Variants in SYT1 observed in about 807,000 individuals in gnomAD.
SYT1 encodes the protein synaptotagmin-1.
SYT1 carries 8 observed loss-of-function variants against 44.8 expected under a neutral mutation model. The ratio of observed to expected loss-of-function variants is 0.18; its 90% CI spans 0.10 to 0.32. The LOEUF is 0.32. SYT1 is among the 10% of genes least tolerant of loss of function. The pLI, the probability that SYT1 is intolerant of heterozygous loss-of-function variation, is 1.00. For synonymous variants in SYT1, 154 were observed against 188.8 expected (o/e 0.82, Z 1.51); for missense variants, 286 against 509.3 (o/e 0.56, Z 4.22).
chr12:79,208,607 G>T lies in SYT1; in HGVS notation c.-17-8896G>T, dbSNP rs189216941. ...AAGCCAATAGGGCTTAGGAAGCTGC[G>T]GAGAATTTCTGAAGAAGGAAGAGAG... On this transcript the variant is annotated intron_variant, in intron 3 of 10. Coordinates refer to ENST00000261205, the MANE Select transcript of SYT1 (RefSeq NM_005639.3). Among the ~76,000 whole-genome samples the T allele has an allele frequency of 2.0e-5, 3 of 152,226 alleles. No individual in the cohort carries two copies. In the East Asian group the frequency reaches 5.8e-4, roughly 29 times the overall value.
rs117489457 is a variant in SYT1 at position 78,871,630 on chromosome 12, T to A, written c.-217+6521T>A. ...GCTATAACAACTCATTAAGGGACAG[T>A]TGAGCTCTAGCAATCAGGTTTTGAG... On this transcript the variant is annotated intron_variant, in intron 1 of 10. Transcript: ENST00000261205. Among the ~76,000 whole-genome samples, 1,205 of 152,064 alleles carry A rather than the reference T, an allele frequency of 7.9e-3. 6 individuals carry two copies. The highest frequency in any genetic ancestry group is 0.012 in the Non-Finnish European group (798 of 67,908).
chr12:79,261,181 CAGG>C (rs1268488201), intron 4 of SYT1, among the ~76,000 whole-genome samples: 1 of 152,222 alleles, frequency 6.6e-6, no homozygotes, highest in African/African-American at 2.4e-5. Context: ...TAAAACCCAG[CAGG>C]AGAATATAAA....
intron 1 of SYT1, among the ~76,000 whole-genome samples, chr12:78,945,783 G>A (rs926588511): frequency 2.0e-5 from 3 of 152,116 alleles, no homozygotes; most frequent in Admixed American, 6.6e-5. Context: ...AATTGTGCCC[G>A]GTCCACCCTT....
chr12:78,868,458 A>G (rs534752362), intron 1 of SYT1, among the ~76,000 whole-genome samples: 2 of 152,008 alleles, frequency 1.3e-5, no homozygotes, highest in East Asian at 3.9e-4. Context: ...AGTTCAATAC[A>G]TGACGTGGCT....
At chr12:79,246,343 AC>A (rs1165897059) in intron 4 of SYT1, among the ~76,000 whole-genome samples, 13 of 152,112 alleles carry the variant, frequency 8.5e-5, no homozygotes, top group African/African-American at 3.1e-4. Flanking sequence ...TTTTCATGAT[AC>A]CCCTTTCATA....
At chr12:79,356,073 G>A (rs936361920) in intron 9 of SYT1, among the ~76,000 whole-genome samples, 3 of 151,750 alleles carry the variant, frequency 2.0e-5, no homozygotes, top group Admixed American at 6.5e-5. Context: ...TGGCATTTCC[G>A]CAACAACCTG....
chr12:79,337,343 G>A (rs755742340), intron 8 of SYT1, among the ~76,000 whole-genome samples: 38 of 152,058 alleles, frequency 2.5e-4, no homozygotes, highest in South Asian at 2.1e-4. Flanking sequence ...TCCAAATTGC[G>A]TGGCCATTCC....
chr12:79,130,921 A>G (rs997890184), intron 3 of SYT1, among the ~76,000 whole-genome samples: 1 of 152,122 alleles, frequency 6.6e-6, no homozygotes, highest in Admixed American at 6.5e-5. Flanking sequence ...AATAAACACT[A>G]TAATAGTGAT....
chr12:78,908,884 A>G (rs989008783), intron 1 of SYT1, among the ~76,000 whole-genome samples: 4 of 151,966 alleles, frequency 2.6e-5, no homozygotes, highest in Admixed American at 2.0e-4. Flanking sequence ...GTTCTGGGAC[A>G]CTGATCTCTA....
chr12:79,056,615 A>G (rs1331721903), intron 3 of SYT1, among the ~76,000 whole-genome samples: 1 of 152,072 alleles, frequency 6.6e-6, no homozygotes, highest in Non-Finnish European at 1.5e-5. Context: ...ACCAAACTCT[A>G]GACTGAACAG....
intron 3 of SYT1, among the ~76,000 whole-genome samples, chr12:79,064,524 T>C (rs952488738): frequency 4.6e-5 from 7 of 152,144 alleles, no homozygotes; most frequent in African/African-American, 1.7e-4. Context: ...TCCACTTTTA[T>C]ATATGTGAAG....
At chr12:79,235,501 T>C (rs1365478890) in intron 4 of SYT1, among the ~76,000 whole-genome samples, 1 of 151,826 alleles carries the variant, frequency 6.6e-6, no homozygotes, top group East Asian at 1.9e-4. Context: ...CTTGATAAGT[T>C]AGGATTTTTC....
intron 4 of SYT1, among the ~76,000 whole-genome samples, chr12:79,241,440 T>G (rs1876507496): frequency 6.6e-6 from 1 of 152,022 alleles, no homozygotes; most frequent in Non-Finnish European, 1.5e-5. Context: ...CCGGCTAATT[T>G]TTTGTATTTT....
intron 3 of SYT1, among the ~76,000 whole-genome samples, chr12:79,068,440 C>G (rs937991816): frequency 1.3e-5 from 2 of 151,948 alleles, no homozygotes; most frequent in Non-Finnish European, 2.9e-5. Flanking sequence ...TGCTGATGAA[C>G]GTTGAAAAAA....
At chr12:79,094,084 G>C (rs1476121655) in intron 3 of SYT1, among the ~76,000 whole-genome samples, 1 of 151,478 alleles carries the variant, frequency 6.6e-6, no homozygotes, top group Non-Finnish European at 1.5e-5. Context: ...AACAATTAAT[G>C]TTCCAGTATT....
chr12:79,116,889 C>A (rs1009841680), intron 3 of SYT1, among the ~76,000 whole-genome samples: 3 of 152,160 alleles, frequency 2.0e-5, no homozygotes, highest in African/African-American at 7.2e-5. Context: ...GCTCCTCTCC[C>A]CCTCCAGTGA....
chr12:79,027,914 G>A (rs1872627517), intron 2 of SYT1, among the ~76,000 whole-genome samples: 1 of 151,404 alleles, frequency 6.6e-6, no homozygotes, highest in East Asian at 1.9e-4. Flanking sequence ...GCCTTTCTGT[G>A]GATGGACATT....
intron 3 of SYT1, among the ~76,000 whole-genome samples, chr12:79,172,323 G>A (rs1871576781): frequency 6.6e-6 from 1 of 151,848 alleles, no homozygotes; most frequent in Non-Finnish European, 1.5e-5. Context: ...CATGAAGAGT[G>A]CCTGCTCCCA....
In SYT1 at chr12:79,296,071, G is replaced by T. The variant is rs767533652; in HGVS notation, c.477G>T (p.Leu159=). ...CTGTATTCTGTCATTTATTTCAGCT[G>T]CTGGTAGGGATCATTCAGGCTGCCG... ...SLDYDFQNNQ[L]LVGIIQAAEL... is the part of the protein sequence containing the mutation. The change falls in exon 7 of 11, where the codon CTG becomes CTT. Residue 159 remains leucine, a splice_region_variant and synonymous_variant. Transcript: ENST00000261205. The T allele has an allele frequency of 6.2e-7, 1 of 1,606,768 alleles. No individual in the cohort carries two copies.
Sources: allele counts gnomAD v4.1 joint callset (sites outside exome capture counted in the v4.1 genomes callset), GRCh38; gene constraint gnomAD v4.1.1; transcripts MANE v1.5; gene names NCBI Gene and HGNC (gene_info 2026-07-23, HGNC 2026-07-21).